Variants in TNPO3 observed in about 807,000 individuals in gnomAD.
The protein encoded by TNPO3 is transportin 3.
TNPO3 carries 65 observed loss-of-function variants against 122.8 expected under a neutral mutation model. The ratio of observed to expected loss-of-function variants is 0.53; its 90% CI spans 0.43 to 0.65. The LOEUF is 0.65. TNPO3 is among the 30% of genes least tolerant of loss of function. The pLI, the probability that TNPO3 is intolerant of heterozygous loss-of-function variation, is 0.00. For synonymous variants in TNPO3, 372 were observed against 411.2 expected (o/e 0.90, Z 1.15); for missense variants, 850 against 1,136.7 (o/e 0.75, Z 3.63).
At chr7:129,004,019 T>A (rs1225026175) in intron 5 of TNPO3, among the ~76,000 whole-genome samples, 1 of 152,212 alleles carries the variant, frequency 6.6e-6, no homozygotes, top group Non-Finnish European at 1.5e-5. Flanking sequence ...ATAAATATTA[T>A]CATTATTGAG....
intron 14 of TNPO3, among the ~76,000 whole-genome samples, chr7:128,980,761 C>A (rs1475678825): frequency 1.3e-5 from 2 of 152,170 alleles, no homozygotes; most frequent in East Asian, 1.9e-4. Flanking sequence ...TATGTAGTTT[C>A]TTCCTAATTA....
chr7:129,053,046 G>A (rs1314585652), intron 1 of TNPO3, among the ~76,000 whole-genome samples: 3 of 152,012 alleles, frequency 2.0e-5, no homozygotes, highest in African/African-American at 4.8e-5. Context: ...AAGTTGCAGC[G>A]GGGGGCGATG....
chr7:129,042,959 A>G (rs927297252), intron 1 of TNPO3, among the ~76,000 whole-genome samples: 2 of 152,078 alleles, frequency 1.3e-5, no homozygotes, highest in African/African-American at 4.8e-5. Context: ...ACATAAATAC[A>G]TTTTCTAGAA....
At chr7:129,008,965 T>C (rs1047915026) in intron 4 of TNPO3, among the ~76,000 whole-genome samples, 4 of 152,348 alleles carry the variant, frequency 2.6e-5, no homozygotes, top group African/African-American at 4.8e-5. Context: ...TTTGAAAAGA[T>C]GAAATTCTGC....
Position 129,055,067 on chromosome 7 carries a change from A to C in TNPO3, c.-297T>G, listed in dbSNP as rs909998992. 1.3e-5 allele frequency: 5 copies of C among 387,092 alleles called. No homozygotes were observed. Among genetic ancestry groups the C allele is most frequent in the African/African-American group, 8.2e-5 (4 of 48,822 alleles). The allele number at this position is 387,092 out of a possible 1,614,324, so 24.0% of individuals were successfully genotyped here. ...CTTCAGTCGCTGACTTGCCCTCAGA[A>C]GCCTATCTTGGGAGGCCACACACCA... On this transcript the variant is annotated 5_prime_UTR_variant, in exon 1 of 23. Coordinates refer to ENST00000265388, the MANE Select transcript of TNPO3 (RefSeq NM_012470.4).
chr7:129,009,131 T>G (rs577923664), intron 4 of TNPO3, among the ~76,000 whole-genome samples: 16 of 152,134 alleles, frequency 1.1e-4, no homozygotes, highest in Non-Finnish European at 2.1e-4. Flanking sequence ...AGTAAAAAGA[T>G]AGCAGGGATA....
At chr7:129,024,061 C>T (rs553788017) in intron 1 of TNPO3, among the ~76,000 whole-genome samples, 2 of 152,180 alleles carry the variant, frequency 1.3e-5, no homozygotes, top group African/African-American at 2.4e-5. Flanking sequence ...GAATCTGCAC[C>T]GGCCTTGATA....
At chr7:128,991,173 A>T (rs997063096) in intron 10 of TNPO3, among the ~76,000 whole-genome samples, 3 of 152,232 alleles carry the variant, frequency 2.0e-5, no homozygotes, top group Non-Finnish European at 4.4e-5. Context: ...AGTGTGGTAC[A>T]TAATTAAGGA....
chr7:129,053,196 G>T (rs1371745799), intron 1 of TNPO3, among the ~76,000 whole-genome samples: 1 of 152,098 alleles, frequency 6.6e-6, no homozygotes, highest in Non-Finnish European at 1.5e-5. Context: ...GTGGTGGCGT[G>T]TGCCTGTAAT....
chr7:128,999,558 G>T (rs1184799818), intron 7 of TNPO3, among the ~76,000 whole-genome samples: 3 of 151,740 alleles, frequency 2.0e-5, no homozygotes, highest in Non-Finnish European at 2.9e-5. Flanking sequence ...TCCCATCAAG[G>T]ATCCAAAACA....
chr7:128,980,720 C>A (rs1480024467), intron 14 of TNPO3, among the ~76,000 whole-genome samples: 1 of 152,026 alleles, frequency 6.6e-6, no homozygotes, highest in Non-Finnish European at 1.5e-5. Context: ...ACAAAAACAA[C>A]AACAACAACA....
chr7:129,035,012 C>T (rs1329663662), intron 1 of TNPO3, among the ~76,000 whole-genome samples: 2 of 150,964 alleles, frequency 1.3e-5, no homozygotes, highest in African/African-American at 2.4e-5. Context: ...CGGTGGCTCA[C>T]GCCTGTAATC....
intron 20 of TNPO3, among the ~76,000 whole-genome samples, chr7:128,967,621 A>G (rs952630288): frequency 6.6e-6 from 1 of 152,234 alleles, no homozygotes; most frequent in African/African-American, 2.4e-5. Flanking sequence ...GGCAGCGGGC[A>G]TCATTTCAGA....
Position 129,004,996 on chromosome 7 carries a change from T to C in TNPO3, c.696+20A>G, listed in dbSNP as rs753527534. 6.3e-7 allele frequency: 1 copy of C among 1,593,946 alleles called. No individual in the cohort carries two copies. The highest frequency in any genetic ancestry group is 1.1e-5 in the South Asian group (1 of 87,344). ...AAAGTGATTGGCAGAAATACTTTGA[T>C]AAATAAGGTCATTACTTACCAAAAC... On this transcript the variant is annotated intron_variant, in intron 5 of 22. Coordinates refer to ENST00000265388, the MANE Select transcript of TNPO3 (RefSeq NM_012470.4).
intron 1 of TNPO3, among the ~76,000 whole-genome samples, chr7:129,043,595 A>G (rs899768818): frequency 1.3e-5 from 2 of 152,242 alleles, no homozygotes; most frequent in Non-Finnish European, 2.9e-5. Context: ...TTGGTCACAC[A>G]TAAGATGGTA....
intron 1 of TNPO3, among the ~76,000 whole-genome samples, chr7:129,042,200 GA>G (rs1807460939): frequency 6.6e-6 from 1 of 152,158 alleles, no homozygotes; most frequent in African/African-American, 2.4e-5. Context: ...TAAAGTTCTG[GA>G]AATACAGATA....
In TNPO3 at chr7:128,992,651, C is replaced by A. The variant is rs144472844; in HGVS notation, c.1267-561G>T. 2.2e-3 allele frequency among the ~76,000 whole-genome samples: 340 copies of A among 152,180 alleles called. 1 individual carries two copies. Among genetic ancestry groups the A allele is most frequent in the Non-Finnish European group, 3.5e-3 (240 of 67,996 alleles). ...TGGTCCACAATTTCCCAGATTATAT[C>A]CACCTACAGAATGTGACTAAATAAT... On this transcript the variant is annotated intron_variant, in intron 9 of 22. Transcript: ENST00000265388.
At chr7:128,960,585 T>C (rs939928424) in intron 21 of TNPO3, among the ~76,000 whole-genome samples, 1 of 147,556 alleles carries the variant, frequency 6.8e-6, no homozygotes, top group Non-Finnish European at 1.5e-5. Flanking sequence ...AAAAAAAAAA[T>C]AAAGTAATTT....
chr7:129,008,484 T>C (rs896506901), intron 4 of TNPO3, among the ~76,000 whole-genome samples: 3 of 152,038 alleles, frequency 2.0e-5, no homozygotes, highest in African/African-American at 7.2e-5. Flanking sequence ...AAGACTTTCT[T>C]TGTTCCCCTG....
Sources: gnomAD v4.1 joint callset for allele counts (sites outside exome capture counted in the v4.1 genomes callset) on GRCh38, gnomAD v4.1.1 for gene constraint, MANE v1.5 for transcripts, NCBI Gene and HGNC (gene_info 2026-07-23, HGNC 2026-07-21) for gene names.